Variants in PLEKHM2 observed in about 807,000 individuals in gnomAD.
PLEKHM2 encodes the protein pleckstrin homology domain-containing family M member 2.
PLEKHM2 carries 77 observed loss-of-function variants against 116.3 expected under a neutral mutation model. The ratio of observed to expected loss-of-function variants is 0.66; its 90% CI spans 0.55 to 0.80. The LOEUF (loss-of-function observed/expected upper bound fraction) is 0.80, where lower values mean the gene tolerates loss of function less well. PLEKHM2 is among the 30% of genes least tolerant of loss of function. The pLI, the probability that PLEKHM2 is intolerant of heterozygous loss-of-function variation, is 0.00. For synonymous variants in PLEKHM2, 562 were observed against 571.0 expected (o/e 0.98, Z 0.22); for missense variants, 1,183 against 1,354.9 (o/e 0.87, Z 1.99).
Position 15,728,759 on chromosome 1 carries a change from G to A in PLEKHM2, c.1986+26G>A, listed in dbSNP as rs1309590365. 3.2e-6 allele frequency: 5 copies of A among 1,585,682 alleles called. No homozygotes were observed. The highest frequency in any genetic ancestry group is 4.3e-6 in the Non-Finnish European group (5 of 1,162,888). On this transcript the variant is annotated intron_variant, in intron 12 of 19. Coordinates refer to ENST00000375799, the MANE Select transcript of PLEKHM2 (RefSeq NM_015164.4). The surrounding 1 kb of genome is among the most constrained non-coding windows in gnomAD (Gnocchi z 5.9). ...GTGAGTCCAGGCCCCGCAGTTGTGC[G>A]CCTGCTGTAGGTACAGGGCTTCTCA...
At chr1:15,702,996 C>T (rs1053395372) in intron 1 of PLEKHM2, among the ~76,000 whole-genome samples, 1 of 152,208 alleles carries the variant, frequency 6.6e-6, no homozygotes, top group Admixed American at 6.5e-5. Flanking sequence ...TCCCAAAGTG[C>T]TGGAATTACA....
At chr1:15,697,812 A>G (rs1171347177) in intron 1 of PLEKHM2, among the ~76,000 whole-genome samples, 1 of 149,650 alleles carries the variant, frequency 6.7e-6, no homozygotes, top group East Asian at 2.0e-4. Context: ...TTTTTTTTGT[A>G]CATTTAGTAG....
chr1:15,733,939 G>C lies in PLEKHM2; in HGVS notation c.*5G>C. 1 of 1,609,662 alleles carries C rather than the reference G, an allele frequency of 6.2e-7. No homozygotes were observed. Among genetic ancestry groups the C allele is most frequent in the Non-Finnish European group, 8.5e-7 (1 of 1,178,310 alleles). ...TCCCGAGACCCCTGGTGCTGAGGCAGAGCTGGTTGGCGTCCCTGGTGGGCA... is the reference window on the plus strand; with the variant it reads ...TCCCGAGACCCCTGGTGCTGAGGCACAGCTGGTTGGCGTCCCTGGTGGGCA... On this transcript the variant is annotated 3_prime_UTR_variant, in exon 20 of 20. Coordinates refer to ENST00000375799, the MANE Select transcript of PLEKHM2 (RefSeq NM_015164.4).
At chr1:15,732,783 C>A (rs1310423804) in intron 19 of PLEKHM2, 55 bp downstream of exon 19, 2 of 1,219,040 alleles carry the variant, frequency 1.6e-6, no homozygotes, top group Non-Finnish European at 2.3e-6. Context: ...GTGGGAGCCA[C>A]TCCCCGGGGA....
intron 1 of PLEKHM2, among the ~76,000 whole-genome samples, chr1:15,686,155 T>C (rs1640764883): frequency 1.3e-5 from 2 of 152,250 alleles, no homozygotes; most frequent in South Asian, 4.1e-4. Context: ...AGTCAGGCTG[T>C]CACTTATGAG....
chr1:15,694,763 T>TG (rs1296913257), intron 1 of PLEKHM2, among the ~76,000 whole-genome samples: 1 of 151,742 alleles, frequency 6.6e-6, no homozygotes, highest in African/African-American at 2.4e-5. Flanking sequence ...TTTGTTTTTT[T>TG]TTTTTGTTTT....
chr1:15,717,962 A>G lies in PLEKHM2; in HGVS notation c.347A>G (p.Asn116Ser). ...AGCTACCTGCGGTTGTTCCAGGAGAACCTGGGCCTGCTGCATAAGTACTAC... is the reference window on the plus strand; with the variant it reads ...AGCTACCTGCGGTTGTTCCAGGAGAGCCTGGGCCTGCTGCATAAGTACTAC... ...LESYLRLFQENLGLLHKYYVK... is the reference protein window; with the variant it reads ...LESYLRLFQESLGLLHKYYVK... The change falls in exon 4 of 20, where the codon AAC becomes AGC. Residue 116 changes from asparagine (N) to serine (S), a missense_variant. Physicochemically the swap from Asn to Ser is conservative, Grantham distance 46. Transcript: ENST00000375799. 6.3e-7 allele frequency: 1 copy of G among 1,597,314 alleles called. No homozygotes were observed. The highest frequency in any genetic ancestry group is 1.3e-5 in the African/African-American group (1 of 74,732).
rs935553396 is a variant in PLEKHM2 at position 15,725,486 on chromosome 1, G to C, written c.882G>C (p.Glu294Asp). 5 of 1,581,634 alleles carry C rather than the reference G, an allele frequency of 3.2e-6. No homozygotes were observed. The African/African-American group carries it at 6.8e-5, about 21-fold the overall frequency. Residue 294 changes from glutamate (E) to aspartate (D), a missense_variant, in exon 8 of 20, where the codon GAG becomes GAC. This residue lies in a region of PLEKHM2 where 372 missense variants were observed against 357.2 expected (regional missense o/e 1.04). Transcript: ENST00000375799. Reference protein sequence around the residue: ...DTTPVHTTSQEKEEAQALDPP... With the variant: ...DTTPVHTTSQDKEEAQALDPP... Reference sequence around the variant, plus strand: ...CCCCCGTGCACACCACCTCTCAGGAGAAGGAGGAGGCCCAGGCCCTGGACC... The same window carrying C: ...CCCCCGTGCACACCACCTCTCAGGACAAGGAGGAGGCCCAGGCCCTGGACC...
chr1:15,701,763 C>T (rs897655723), intron 1 of PLEKHM2, among the ~76,000 whole-genome samples: 5 of 152,184 alleles, frequency 3.3e-5, no homozygotes, highest in Non-Finnish European at 5.9e-5. Flanking sequence ...TGCACTCCAG[C>T]CTGGGGAACA....
chr1:15,691,148 T>TCA (rs1640880732), intron 1 of PLEKHM2, among the ~76,000 whole-genome samples: 2 of 152,296 alleles, frequency 1.3e-5, no homozygotes, highest in African/African-American at 4.8e-5. Context: ...TGGCTCACTG[T>TCA]AGCCTTCAAC....
chr1:15,727,334 T>C lies in PLEKHM2; in HGVS notation c.1262T>C (p.Leu421Pro), dbSNP rs2068077780. The change falls in exon 9 of 20, where the codon CTG (leucine) becomes CCG (proline). Residue 421 changes from leucine to proline, a missense_variant. This residue lies in a region of PLEKHM2 where 372 missense variants were observed against 357.2 expected (regional missense o/e 1.04). Coordinates refer to ENST00000375799, the MANE Select transcript of PLEKHM2 (RefSeq NM_015164.4). This position sits in a 1 kb window ranked among gnomAD's most constrained non-coding sequence, Gnocchi z 7.5. ...GTTATCGACCAGCTCAACGGGCAGC[T>C]GGACCCCAGCACCTGGTGCTCCCGT... ...SKVIDQLNGQ[L>P]DPSTWCSRAE... 1.3e-6 allele frequency: 2 copies of C among 1,597,274 alleles called. No individual in the cohort carries two copies. Among genetic ancestry groups the C allele is most frequent in the Non-Finnish European group, 8.5e-7 (1 of 1,172,850 alleles).
intron 1 of PLEKHM2, among the ~76,000 whole-genome samples, chr1:15,709,212 G>A (rs927494317): frequency 6.6e-6 from 1 of 152,202 alleles, no homozygotes; most frequent in Non-Finnish European, 1.5e-5. Context: ...CAGGTATTGA[G>A]TGCAACCAAA....
At chr1:15,731,358 C>A (rs918861132) in intron 16 of PLEKHM2, 101 bp downstream of exon 16, 3 of 896,304 alleles carry the variant, frequency 3.3e-6, no homozygotes, top group Non-Finnish European at 5.4e-6. Flanking sequence ...TCGCCCTCAA[C>A]CCCACCCCAT....
chr1:15,696,521 T>C (rs1641000261), intron 1 of PLEKHM2, among the ~76,000 whole-genome samples: 2 of 152,122 alleles, frequency 1.3e-5, no homozygotes, highest in African/African-American at 4.8e-5. Context: ...CGGCTAATTT[T>C]TGTATTTTTA....
At position 15,719,657 on chromosome 1, in the gene PLEKHM2, G is replaced by C; in HGVS notation, c.466-77G>C. 1 of 958,578 alleles carries C rather than the reference G, an allele frequency of 1.0e-6. No individual in the cohort carries two copies. Among genetic ancestry groups the C allele is most frequent in the East Asian group, 2.5e-5 (1 of 40,660 alleles). The allele number at this position is 958,578 out of a possible 1,614,324, so 59.4% of individuals were successfully genotyped here. A position where few individuals can be genotyped will look rare whatever the true frequency, so the allele number is the denominator to read the frequency against. Reference sequence around the variant, plus strand: ...CAAAGAGGCACATCTGTGTCTCCCAGGCCTGGATCCTGCTGTCTGCAGAAG... The same window carrying C: ...CAAAGAGGCACATCTGTGTCTCCCACGCCTGGATCCTGCTGTCTGCAGAAG... On this transcript the variant is annotated intron_variant, in intron 5 of 19. Coordinates refer to ENST00000375799, the MANE Select transcript of PLEKHM2 (RefSeq NM_015164.4). This position sits in a 1 kb window ranked among gnomAD's most constrained non-coding sequence, Gnocchi z 4.1.
Position 15,729,656 on chromosome 1 carries a change from G to T in PLEKHM2, c.2076-141G>T. The T allele has an allele frequency of 2.9e-6, 2 of 693,878 alleles. No individual in the cohort carries two copies. Among genetic ancestry groups the T allele is most frequent in the Non-Finnish European group, 4.9e-6 (2 of 410,990 alleles). The allele number at this position is 693,878 out of a possible 1,614,324, so 43.0% of individuals were successfully genotyped here. A position where few individuals can be genotyped will look rare whatever the true frequency, so the allele number is the denominator to read the frequency against. Reference sequence around the variant, plus strand: ...TTGGACCTGCGTCATTGCCGCACCTGCCGCCCTGGTCACTGGGTCTAGCCA... The same window carrying T: ...TTGGACCTGCGTCATTGCCGCACCTTCCGCCCTGGTCACTGGGTCTAGCCA... On this transcript the variant is annotated intron_variant, in intron 13 of 19. Transcript: ENST00000375799. This position sits in a 1 kb window ranked among gnomAD's most constrained non-coding sequence, Gnocchi z 4.7.
chr1:15,726,417 G>A (rs984475073), intron 8 of PLEKHM2, among the ~76,000 whole-genome samples: 6 of 152,156 alleles, frequency 3.9e-5, no homozygotes, highest in East Asian at 1.9e-4. Context: ...GGCCTGAGGC[G>A]GGGGATTGCT....
At chr1:15,702,100 C>T (rs566626461) in intron 1 of PLEKHM2, among the ~76,000 whole-genome samples, 7 of 152,184 alleles carry the variant, frequency 4.6e-5, no homozygotes, top group Non-Finnish European at 7.3e-5. Context: ...TGGGGATCTG[C>T]CTTGTAAGGG....
chr1:15,710,906 G>A (rs1280276097), intron 1 of PLEKHM2, among the ~76,000 whole-genome samples: 2 of 152,192 alleles, frequency 1.3e-5, no homozygotes, highest in African/African-American at 2.4e-5. Flanking sequence ...TGGGTGCCGT[G>A]GCTCATGCCT....
Sources: allele counts gnomAD v4.1 joint callset (sites outside exome capture counted in the v4.1 genomes callset), GRCh38; gene constraint gnomAD v4.1.1; regional missense constraint gnomAD v4.1.1; non-coding constraint Gnocchi (gnomAD v3.1); transcripts MANE v1.5; gene names NCBI Gene and HGNC (gene_info 2026-07-23, HGNC 2026-07-21).